Variants in SLCO4A1 observed in about 807,000 individuals in gnomAD.
SLCO4A1 encodes the protein colon organic anion transporter.
A neutral mutation model predicts 64.6 loss-of-function variants in SLCO4A1; 51 were observed. The ratio of observed to expected loss-of-function variants is 0.79; its 90% CI spans 0.63 to 1.00. SLCO4A1 has a LOEUF of 1.00. Among genes scored for constraint, SLCO4A1 ranks in the 50% least tolerant of loss-of-function variants. The probability of loss-of-function intolerance (pLI) is 0.00; values close to 1 mark genes in which losing one functional copy is unlikely to be tolerated. For missense variants in SLCO4A1, 919 were observed against 980.5 expected (o/e 0.94, Z 0.84); for synonymous variants, 471 against 444.9 (o/e 1.06, Z -0.74).
chr20:62,642,506 G>A lies in SLCO4A1; in HGVS notation c.-144G>A, dbSNP rs145796842. 1.6e-4 allele frequency: 37 copies of A among 228,836 alleles called. No homozygotes were observed. Among genetic ancestry groups the A allele is most frequent in the South Asian group, 1.2e-3 (30 of 24,244 alleles). The allele number at this position is 228,836 out of a possible 1,614,324, so 14.2% of individuals were successfully genotyped here. A position where few individuals can be genotyped will look rare whatever the true frequency, so the allele number is the denominator to read the frequency against. On this transcript the variant is annotated 5_prime_UTR_variant, in exon 1 of 12. Transcript: ENST00000217159. ...GCGCGTGGCTGCCGGGGAGGCCAGA[G>A]CGTGGAGCGCTGCGCGGCGCGGCGG...
At chr20:62,686,992 G>A (rs534803862), downstream of SLCO4A1, among the ~76,000 whole-genome samples, 4 of 135,442 alleles carry the variant, frequency 3.0e-5, no homozygotes, top group African/African-American at 8.8e-5. Context: ...AAACAGGCAC[G>A]ATGGGAAGGG....
intron 3 of SLCO4A1, 121 bp downstream of exon 3, chr20:62,658,888 C>G: frequency 1.2e-6 from 1 of 843,772 alleles, no homozygotes; most frequent in East Asian, 2.7e-5. Context: ...CTGGGCACCC[C>G]CCGGGCTGGA....
chr20:62,669,183 C>G, intron 11 of SLCO4A1, 105 bp downstream of exon 11: 1 of 1,121,296 alleles, frequency 8.9e-7, no homozygotes, highest in Non-Finnish European at 1.3e-6. Context: ...TAGTACATCA[C>G]AGATGTTCCT....
intron 1 of SLCO4A1, among the ~76,000 whole-genome samples, chr20:62,655,434 G>T (rs182742427): frequency 6.6e-6 from 1 of 152,348 alleles, no homozygotes; most frequent in East Asian, 1.9e-4. Flanking sequence ...GACGGGGAAA[G>T]CCCTTAAGAT....
At chr20:62,654,562 C>T (rs906550565) in intron 1 of SLCO4A1, among the ~76,000 whole-genome samples, 12 of 152,216 alleles carry the variant, frequency 7.9e-5, no homozygotes, top group African/African-American at 2.4e-4. Context: ...ACCCCAAGGC[C>T]GGATACTTAG....
downstream of SLCO4A1, among the ~76,000 whole-genome samples, chr20:62,676,635 A>G (rs1987608986): frequency 1.3e-5 from 2 of 152,248 alleles, no homozygotes; most frequent in Non-Finnish European, 2.9e-5. Flanking sequence ...AAACAAAACC[A>G]GAAAACGACA....
intron 1 of SLCO4A1, among the ~76,000 whole-genome samples, chr20:62,655,868 G>A (rs1983607624): frequency 6.6e-6 from 1 of 152,226 alleles, no homozygotes; most frequent in Non-Finnish European, 1.5e-5. Context: ...GGAAGAACAA[G>A]GTCAGGCTCC....
At chr20:62,658,311 G>A (rs560012907) in intron 2 of SLCO4A1, among the ~76,000 whole-genome samples, 11 of 152,288 alleles carry the variant, frequency 7.2e-5, no homozygotes, top group South Asian at 2.1e-4. Flanking sequence ...GAGAGTGAGC[G>A]TGGCTGGGCG....
chr20:62,647,001 C>A lies in SLCO4A1; in HGVS notation c.-97+4448C>A, dbSNP rs543604194. On this transcript the variant is annotated intron_variant, in intron 1 of 11. Transcript: ENST00000217159. ...TGGCCCTGCTGCCGCACCCTGGCTC[C>A]CTCTTGCTCAGACAATCCTTCATTG... Among the ~76,000 whole-genome samples the A allele has an allele frequency of 1.9e-4, 29 of 152,366 alleles. 1 individual carries two copies. In the South Asian group the frequency reaches 5.8e-3, roughly 30 times the overall value.
chr20:62,667,451 G>T, intron 7 of SLCO4A1: 1 of 427,172 alleles, frequency 2.3e-6, no homozygotes, highest in Non-Finnish European at 4.2e-6. Context: ...TGATCCATAT[G>T]AATGTGTTGC....
chr20:62,683,046 C>T (rs1012656777), intron 2 of SLCO4A1, among the ~76,000 whole-genome samples: 1 of 152,166 alleles, frequency 6.6e-6, no homozygotes, highest in South Asian at 2.1e-4. Flanking sequence ...AGTGTCAGCT[C>T]TTTGGGGAAC....
rs140410322 is a variant in SLCO4A1 at position 62,666,515 on chromosome 20, T to G, written c.1412T>G (p.Val471Gly). 1.2e-6 allele frequency: 2 copies of G among 1,613,334 alleles called. No individual in the cohort carries two copies. The highest frequency in any genetic ancestry group is 2.7e-5 in the African/African-American group (2 of 74,944). The change falls in exon 7 of 12, where the codon GTC (valine) becomes GGC (glycine). Residue 471 changes from valine (V) to glycine (G), a missense_variant. Transcript: ENST00000217159. ...CTVVSLLGIL[V>G]FSLHCPSVPM... Reference sequence around the variant, plus strand: ...GTTGTCAGCCTGCTGGGCATCCTCGTCTTCTCACTGCACTGCCCCAGTGTG... The same window carrying G: ...GTTGTCAGCCTGCTGGGCATCCTCGGCTTCTCACTGCACTGCCCCAGTGTG...
intron 5 of SLCO4A1, chr20:62,663,233 G>A (rs1985386358): frequency 6.6e-6 from 1 of 152,170 alleles, no homozygotes; most frequent in Non-Finnish European, 1.5e-5. Context: ...GGCTAACTAG[G>A]GCTGCACCGT....
chr20:62,664,919 C>G lies in SLCO4A1; in HGVS notation c.1122-15C>G, dbSNP rs1208144741. 3.8e-6 allele frequency: 6 copies of G among 1,586,122 alleles called. No individual in the cohort carries two copies. The highest frequency in any genetic ancestry group is 5.1e-6 in the Non-Finnish European group (6 of 1,167,074). ...TGACCCTCAGTCTCTTCTCCACACC[C>G]CCACCTCTGCCCAGCTCCATCTGGC... is the stretch of plus-strand genomic sequence containing the variant. On this transcript the variant is annotated splice_polypyrimidine_tract_variant and intron_variant, in intron 5 of 11. Coordinates refer to ENST00000217159, the MANE Select transcript of SLCO4A1 (RefSeq NM_016354.4).
chr20:62,648,394 G>A (rs2427362), intron 1 of SLCO4A1, among the ~76,000 whole-genome samples: 72,552 of 152,200 alleles, frequency 0.48, 20,498 homozygotes, highest in East Asian at 0.75. Flanking sequence ...GCCCTGGGGC[G>A]GGGCAGCCAC....
intron 1 of SLCO4A1, among the ~76,000 whole-genome samples, chr20:62,655,371 C>CA (rs1249998641): frequency 4.8e-4 from 73 of 151,996 alleles, no homozygotes; most frequent in Middle Eastern, 3.4e-3. Context: ...AGGGCGGGGG[C>CA]GGCACAGGTG....
chr20:62,669,866 G>A (rs764235768), intron 11 of SLCO4A1: 1 of 152,196 alleles, frequency 6.6e-6, no homozygotes, highest in Non-Finnish European at 1.5e-5. Context: ...TCTGAGCAGG[G>A]CCTTGTGTGG....
At chr20:62,680,588 C>A (rs186661890) in intron 2 of SLCO4A1, among the ~76,000 whole-genome samples, 214 of 148,348 alleles carry the variant, frequency 1.4e-3, no homozygotes, top group African/African-American at 5.2e-3. Flanking sequence ...TTTTTTTAAC[C>A]ATAAATGGGT....
downstream of SLCO4A1, among the ~76,000 whole-genome samples, chr20:62,689,232 C>A (rs545958104): frequency 2.7e-5 from 4 of 150,782 alleles, no homozygotes; most frequent in East Asian, 7.7e-4. Flanking sequence ...CCGTGCCTCG[C>A]AGGCCTGTCC....
Sources: allele counts gnomAD v4.1 joint callset (sites outside exome capture counted in the v4.1 genomes callset), GRCh38; gene constraint gnomAD v4.1.1; transcripts MANE v1.5; gene names NCBI Gene and HGNC (gene_info 2026-07-23, HGNC 2026-07-21).